ST3GAL4: variants seen among roughly 807,000 people sequenced by gnomAD.
ST3GAL4 encodes CMP-N-acetylneuraminate-beta-galactosamide-alpha-2,3-sialyltransferase 4.
A neutral mutation model predicts 42.6 loss-of-function variants in ST3GAL4; 24 were observed. That is an observed-to-expected ratio of 0.56 (90% CI 0.41 to 0.79). ST3GAL4 has a LOEUF of 0.79. Among genes scored for constraint, ST3GAL4 ranks in the 30% least tolerant of loss-of-function variants. The pLI, the probability that ST3GAL4 is intolerant of heterozygous loss-of-function variation, is 0.00. For missense variants in ST3GAL4, 311 were observed against 430.8 expected, an observed-to-expected ratio of 0.72 and a Z score of 2.46; for synonymous variants, 135 against 163.2, an observed-to-expected ratio of 0.83 and a Z score of 1.32.
intron 1 of ST3GAL4, among the ~76,000 whole-genome samples, chr11:126,357,456 A>G (rs1249349850): frequency 6.6e-6 from 1 of 152,124 alleles, no homozygotes; most frequent in East Asian, 1.9e-4. Flanking sequence ...TGTTGTTCAG[A>G]GACAACAGGG....
At chr11:126,365,575 G>T (rs1308853822) in intron 1 of ST3GAL4, among the ~76,000 whole-genome samples, 1 of 152,206 alleles carries the variant, frequency 6.6e-6, no homozygotes, top group Non-Finnish European at 1.5e-5. Context: ...GTAGGCTCTG[G>T]AATCCTCTGT....
Position 126,398,419 on chromosome 11 carries a change from T to C in ST3GAL4, c.-60-7677T>C, listed in dbSNP as rs1212665165. Among the ~76,000 whole-genome samples, 3 of 152,256 alleles carry C rather than the reference T, an allele frequency of 2.0e-5. No individual in the cohort carries two copies. Among genetic ancestry groups the C allele is most frequent in the Non-Finnish European group, 4.4e-5 (3 of 68,038 alleles). On this transcript the variant is annotated intron_variant, in intron 1 of 10. Coordinates refer to ENST00000444328, the MANE Select transcript of ST3GAL4 (RefSeq NM_001254757.2). The surrounding 1 kb of genome is among the most constrained non-coding windows in gnomAD (Gnocchi z 4.7). ...GGTAGGGACTTGGGCCCCCAAGGCC[T>C]CCGGCAGCCCTGCTTCCCTGGCCTT...
chr11:126,362,354 C>A (rs1952272699), intron 1 of ST3GAL4, among the ~76,000 whole-genome samples: 1 of 151,866 alleles, frequency 6.6e-6, no homozygotes, highest in Admixed American at 6.6e-5. Context: ...TGCCCACCAT[C>A]ACACCCGGCT....
chr11:126,399,770 T>C (rs888633592), intron 1 of ST3GAL4, among the ~76,000 whole-genome samples: 1 of 152,170 alleles, frequency 6.6e-6, no homozygotes, highest in African/African-American at 2.4e-5. Context: ...TGCTATACAG[T>C]TTGAGGACCT....
intron 1 of ST3GAL4, 145 bp from the exon 2 acceptor site, chr11:126,405,951 A>G (rs1195410134): frequency 8.3e-6 from 8 of 964,762 alleles, no homozygotes; most frequent in Non-Finnish European, 1.2e-5. Flanking sequence ...TGGATGAGAA[A>G]ACTCACCCTC....
intron 1 of ST3GAL4, among the ~76,000 whole-genome samples, chr11:126,367,308 A>T (rs1283625547): frequency 6.6e-6 from 1 of 152,152 alleles, no homozygotes; most frequent in African/African-American, 2.4e-5. Context: ...CCATGGGTGA[A>T]TCTGAGTCGA....
rs560276228 is a variant in ST3GAL4 at position 126,396,305 on chromosome 11, C to T, written c.-60-9791C>T. ...TGTGGAAGCAGGTACAGCCCAGGCC[C>T]GCGCTGAGGTTCGGCAGGGAAGCCA... On this transcript the variant is annotated intron_variant, in intron 1 of 10. Transcript: ENST00000444328. The surrounding 1 kb of genome is among the most constrained non-coding windows in gnomAD (Gnocchi z 5.8). 5.3e-5 allele frequency among the ~76,000 whole-genome samples: 8 copies of T among 152,160 alleles called. No individual in the cohort carries two copies. The South Asian group carries it at 1.0e-3, about 20-fold the overall frequency.
In ST3GAL4 at chr11:126,414,072, G is replaced by T. The variant is rs370297535; in HGVS notation, c.*25G>T. ...ACCTGGGCAAGAGCTGTAGCCTGTC[G>T]GTTGCCTACTCTGCTGTCTGGGTGA... On this transcript the variant is annotated 3_prime_UTR_variant, in exon 11 of 11. Coordinates refer to ENST00000444328, the MANE Select transcript of ST3GAL4 (RefSeq NM_001254757.2). 6.2e-7 allele frequency: 1 copy of T among 1,612,528 alleles called. No homozygotes were observed. The highest frequency in any genetic ancestry group is 8.5e-7 in the Non-Finnish European group (1 of 1,178,526).
At chr11:126,356,072 C>T (rs1303001920) in intron 1 of ST3GAL4, 1 of 152,326 alleles carries the variant, frequency 6.6e-6, no homozygotes, top group Non-Finnish European at 1.5e-5. Context: ...CTCTCCGTTC[C>T]CTTGGAGTGA....
intron 1 of ST3GAL4, among the ~76,000 whole-genome samples, chr11:126,385,119 G>A (rs1330204439): frequency 6.6e-6 from 1 of 151,996 alleles, no homozygotes; most frequent in Non-Finnish European, 1.5e-5. Flanking sequence ...CTGAGGCTCT[G>A]AGAGGTTAAG....
Position 126,406,403 on chromosome 11 carries a change from G to C in ST3GAL4, c.17-70G>C, listed in dbSNP as rs573277695. ...GGTCGGAGGGACTCAGAAGGGGGCA[G>C]GTGGGAAGGTGGACGGGGGTTGTAC... is the stretch of plus-strand genomic sequence containing the variant. On this transcript the variant is annotated intron_variant, in intron 2 of 10. Transcript: ENST00000444328. This position sits in a 1 kb window ranked among gnomAD's most constrained non-coding sequence, Gnocchi z 5.4. The C allele has an allele frequency of 5.6e-6, 9 of 1,611,296 alleles. No homozygotes were observed. The highest frequency in any genetic ancestry group is 1.7e-5 in the Admixed American group (1 of 59,848).
At position 126,363,162 on chromosome 11, in the gene ST3GAL4, G is replaced by A. The variant is rs1191927553; in HGVS notation, c.-61+7320G>A. On this transcript the variant is annotated intron_variant, in intron 1 of 10. Transcript: ENST00000444328. The surrounding 1 kb of genome is among the most constrained non-coding windows in gnomAD (Gnocchi z 4.6). ...GTATGGGAGATTGTCCTCACAGGCA[G>A]TGTGGGCCGTTTCTCTAGACCTCCT... Among the ~76,000 whole-genome samples the A allele has an allele frequency of 2.6e-5, 4 of 152,220 alleles. No homozygotes were observed. Among genetic ancestry groups the A allele is most frequent in the Non-Finnish European group, 5.9e-5 (4 of 68,038 alleles).
In ST3GAL4 at chr11:126,400,527, C is replaced by T. The variant is rs1243814099; in HGVS notation, c.-60-5569C>T. Among the ~76,000 whole-genome samples the T allele has an allele frequency of 6.6e-6, 1 of 152,104 alleles. No homozygotes were observed. Among genetic ancestry groups the T allele is most frequent in the Non-Finnish European group, 1.5e-5 (1 of 68,016 alleles). On this transcript the variant is annotated intron_variant, in intron 1 of 10. Coordinates refer to ENST00000444328, the MANE Select transcript of ST3GAL4 (RefSeq NM_001254757.2). This position sits in a 1 kb window ranked among gnomAD's most constrained non-coding sequence, Gnocchi z 4.6. ...GGGAAAAGGTGGCTCCCTTAGTGTG[C>T]TTGGGAGGAGGGTAAGAGATGCGTT... is the stretch of plus-strand genomic sequence containing the variant.
chr11:126,403,230 G>A (rs574572607), intron 1 of ST3GAL4: 10 of 317,984 alleles, frequency 3.1e-5, no homozygotes, highest in East Asian at 1.7e-4. Context: ...TTTGCTTAGC[G>A]CAACACTGAC....
chr11:126,410,749 G>A lies in ST3GAL4; in HGVS notation c.771+1338G>A, dbSNP rs1437691627. On this transcript the variant is annotated intron_variant, in intron 9 of 10. Coordinates refer to ENST00000444328, the MANE Select transcript of ST3GAL4 (RefSeq NM_001254757.2). The surrounding 1 kb of genome is among the most constrained non-coding windows in gnomAD (Gnocchi z 5.3). Reference sequence around the variant, plus strand: ...AGGAAGTTGTGCTCCTTGCTCTAAGGGACCTCAGTCTAGCAGAGTAAGAAT... The same window carrying A: ...AGGAAGTTGTGCTCCTTGCTCTAAGAGACCTCAGTCTAGCAGAGTAAGAAT... Among the ~76,000 whole-genome samples, 1 of 152,148 alleles carries A rather than the reference G, an allele frequency of 6.6e-6. No individual in the cohort carries two copies. The highest frequency in any genetic ancestry group is 1.5e-5 in the Non-Finnish European group (1 of 68,034).
chr11:126,381,281 G>T (rs1467781544), intron 1 of ST3GAL4, among the ~76,000 whole-genome samples: 2 of 152,182 alleles, frequency 1.3e-5, no homozygotes, highest in Non-Finnish European at 2.9e-5. Flanking sequence ...TCCCAAAACA[G>T]AGGTGTGTAG....
At chr11:126,371,956 TTTCTG>T (rs1952668662) in intron 1 of ST3GAL4, among the ~76,000 whole-genome samples, 1 of 147,052 alleles carries the variant, frequency 6.8e-6, no homozygotes, top group African/African-American at 2.5e-5. Context: ...CTGAGCATCT[TTTCTG>T]TCTATTAGGT....
Position 126,406,136 on chromosome 11 carries a change from C to T in ST3GAL4, c.-20C>T, listed in dbSNP as rs1353117203. 1.9e-6 allele frequency: 3 copies of T among 1,552,988 alleles called. No individual in the cohort carries two copies. The highest frequency in any genetic ancestry group is 2.6e-6 in the Non-Finnish European group (3 of 1,147,722). On this transcript the variant is annotated 5_prime_UTR_variant, in exon 2 of 11. Transcript: ENST00000444328. The surrounding 1 kb of genome is among the most constrained non-coding windows in gnomAD (Gnocchi z 5.4). ...CGGGATGACAGCTCTCCCCAGGAAT[C>T]CTGCTGCCTGCTGAGAAACATGGTC...
At chr11:126,394,257 G>A (rs1380925886) in intron 1 of ST3GAL4, among the ~76,000 whole-genome samples, 2 of 152,136 alleles carry the variant, frequency 1.3e-5, no homozygotes, top group Admixed American at 6.5e-5. Context: ...GCGCCCGGGA[G>A]CCCCTGACCA....
Sources: gnomAD v4.1 joint callset for allele counts (sites outside exome capture counted in the v4.1 genomes callset) on GRCh38, gnomAD v4.1.1 for gene constraint, Gnocchi (gnomAD v3.1) non-coding constraint, MANE v1.5 for transcripts, NCBI Gene and HGNC (gene_info 2026-07-23, HGNC 2026-07-21) for gene names.